The following XRN1 variants were observed in gnomAD, a reference collection of about 807,000 sequenced individuals.
The protein encoded by XRN1 is 5'-3' exoribonuclease 1, also known as strand-exchange protein 1 homolog.
Under a neutral mutation model 222.3 loss-of-function variants are expected in XRN1, and 67 were observed. That is an observed-to-expected ratio of 0.30 (90% CI 0.25 to 0.37). The LOEUF (loss-of-function observed/expected upper bound fraction) is 0.37, where lower values mean the gene tolerates loss of function less well. Ranked by LOEUF, XRN1 falls within the 10% of genes least tolerant of loss-of-function variation. The pLI is 1.00. For synonymous variants in XRN1, 643 were observed against 652.4 expected, an observed-to-expected ratio of 0.99 and a Z score of 0.22; for missense variants, 1,707 against 2,000.2, an observed-to-expected ratio of 0.85 and a Z score of 2.80.
In XRN1 at chr3:142,322,385, A is replaced by G. The variant is rs569382032; in HGVS notation, c.4405-3482T>C. On this transcript the variant is annotated intron_variant, in intron 37 of 40. Transcript: ENST00000392981. ...GGTACTACCACGCTTAGCTGTTTTT[A>G]AAGTTTTTTTAGAGATGATGGTCGG... Among the ~76,000 whole-genome samples the G allele has an allele frequency of 9.9e-5, 15 of 152,220 alleles. No individual in the cohort carries two copies. The East Asian group carries it at 1.5e-3, about 16-fold the overall frequency.
At chr3:142,331,249 T>G (rs2065688476) in intron 36 of XRN1, among the ~76,000 whole-genome samples, 1 of 152,216 alleles carries the variant, frequency 6.6e-6, no homozygotes, top group South Asian at 2.1e-4. Context: ...TAGATCATTA[T>G]ACAGATAAAA....
intron 2 of XRN1, among the ~76,000 whole-genome samples, chr3:142,431,921 T>C (rs1421865979): frequency 3.2e-5 from 3 of 93,704 alleles, no homozygotes; most frequent in Non-Finnish European, 5.8e-5. Context: ...TAAATATATA[T>C]AATATAATAT....
chr3:142,409,220 T>A (rs1282979761), intron 15 of XRN1, among the ~76,000 whole-genome samples: 3 of 152,236 alleles, frequency 2.0e-5, no homozygotes, highest in Admixed American at 2.0e-4. Flanking sequence ...TTTTCTCAAT[T>A]CTTTCCCTTT....
At chr3:142,431,589 G>A (rs1305318615) in intron 2 of XRN1, among the ~76,000 whole-genome samples, 1 of 151,492 alleles carries the variant, frequency 6.6e-6, no homozygotes, top group Non-Finnish European at 1.5e-5. Flanking sequence ...GGCTGAGGTG[G>A]GTGGCTCACC....
rs9873771 is a variant in XRN1 at position 142,383,834 on chromosome 3, G to A, written c.2503-421C>T. Among the ~76,000 whole-genome samples, 1,364 of 152,122 alleles carry A rather than the reference G, an allele frequency of 9.0e-3. 14 individuals are homozygous for A. The highest frequency in any genetic ancestry group is 0.012 in the Non-Finnish European group (846 of 68,008). On this transcript the variant is annotated intron_variant, in intron 21 of 40. Transcript: ENST00000392981. Reference sequence around the variant, plus strand: ...TTAAAAAAATTTTTGTCCTCTTATCGTATCTAAGATTATAAATGCAAAAAT... The same window carrying A: ...TTAAAAAAATTTTTGTCCTCTTATCATATCTAAGATTATAAATGCAAAAAT...
chr3:142,357,503 T>G (rs1044660875), intron 30 of XRN1, among the ~76,000 whole-genome samples: 5 of 152,122 alleles, frequency 3.3e-5, no homozygotes, highest in Admixed American at 3.3e-4. Context: ...CCTAACTCAC[T>G]GCAGTTTCGA....
chr3:142,316,395 T>C (rs191797087), intron 39 of XRN1, among the ~76,000 whole-genome samples: 1 of 152,148 alleles, frequency 6.6e-6, no homozygotes, highest in East Asian at 1.9e-4. Context: ...TTTGTATTTT[T>C]TGTAGATTAG....
At chr3:142,402,204 T>C (rs1577369852) in intron 18 of XRN1, among the ~76,000 whole-genome samples, 2 of 152,098 alleles carry the variant, frequency 1.3e-5, no homozygotes. Context: ...TTTTTTGAGA[T>C]GGAGTTTCGC....
intron 12 of XRN1, 23 bp from the exon 13 acceptor site, chr3:142,417,252 A>G (rs2068822896): frequency 6.2e-7 from 1 of 1,604,078 alleles, no homozygotes; most frequent in South Asian, 1.1e-5. Context: ...TATTTTCATT[A>G]TAACATATTT....
chr3:142,343,811 C>G (rs2066063794), intron 33 of XRN1, among the ~76,000 whole-genome samples: 1 of 152,082 alleles, frequency 6.6e-6, no homozygotes, highest in African/African-American at 2.4e-5. Context: ...CTGTTCACAA[C>G]AGCTAAGATT....
chr3:142,422,564 T>C lies in XRN1; in HGVS notation c.967+18A>G. On this transcript the variant is annotated intron_variant, in intron 8 of 40. Coordinates refer to ENST00000392981, the MANE Select transcript of XRN1 (RefSeq NM_001282857.2). ...ACTAAATTAAAGTATCCTCGAGAGA[T>C]TATTAAATTCTTCTTACCCCCAAGT... The C allele has an allele frequency of 1.2e-6, 2 of 1,609,164 alleles. No individual in the cohort carries two copies.
intron 34 of XRN1, among the ~76,000 whole-genome samples, chr3:142,334,073 T>A (rs964461389): frequency 6.6e-6 from 1 of 152,192 alleles, no homozygotes; most frequent in Non-Finnish European, 1.5e-5. Context: ...GTATAACTGG[T>A]TTTCTTTAAA....
rs896801270 is a variant in XRN1 at position 142,306,785 on chromosome 3, C to G, written c.*4726G>C. ...CACAAAAATACATTCGGAGTCCATT[C>G]CAATGCAAGTTTAAAACACTTTAAT... On this transcript the variant is annotated 3_prime_UTR_variant, in exon 41 of 41. Coordinates refer to ENST00000392981, the MANE Select transcript of XRN1 (RefSeq NM_001282857.2). 3 of 152,490 alleles carry G rather than the reference C, an allele frequency of 2.0e-5. No individual in the cohort carries two copies. Among genetic ancestry groups the G allele is most frequent in the African/African-American group, 7.2e-5 (3 of 41,390 alleles). The allele number at this position is 152,490 out of a possible 1,614,324, so 9.4% of individuals were successfully genotyped here.
chr3:142,443,155 C>A (rs1207903656), intron 1 of XRN1, among the ~76,000 whole-genome samples: 1 of 152,144 alleles, frequency 6.6e-6, no homozygotes, highest in East Asian at 1.9e-4. Context: ...TACCGCGGAC[C>A]CCTGGACCGG....
chr3:142,386,111 T>G (rs1045488167), intron 20 of XRN1, among the ~76,000 whole-genome samples: 1 of 152,016 alleles, frequency 6.6e-6, no homozygotes, highest in African/African-American at 2.4e-5. Context: ...TTCCAACAAA[T>G]TTTTGAAACA....
chr3:142,375,917 C>T lies in XRN1; in HGVS notation c.2859G>A (p.Val953=), dbSNP rs144415810. Residue 953 remains valine (V), a synonymous_variant, in exon 25 of 41, where the codon GTG becomes GTA. Transcript: ENST00000392981. ...RNPHGDHKAN[V]GLNLKFNKKN... ...TCTTGTTGAATTTGAGATTTAAACC[C>T]ACATTTGCTTTATGGTCTCCATGAG... The T allele has an allele frequency of 1.2e-5, 20 of 1,613,510 alleles. No homozygotes were observed. In the African/African-American group the frequency reaches 2.1e-4, roughly 17 times the overall value.
At chr3:142,389,313 C>CT (rs941630384) in intron 20 of XRN1, among the ~76,000 whole-genome samples, 22 of 151,450 alleles carry the variant, frequency 1.5e-4, no homozygotes, top group South Asian at 1.0e-3. Flanking sequence ...CTAATTCTAG[C>CT]TTTTTTTTTG....
At chr3:142,363,613 CTAG>C (rs1488094009) in intron 29 of XRN1, among the ~76,000 whole-genome samples, 3 of 151,464 alleles carry the variant, frequency 2.0e-5, no homozygotes, top group Non-Finnish European at 2.9e-5. Context: ...AAAGTTTACT[CTAG>C]CTTTGTAAAG....
intron 29 of XRN1, among the ~76,000 whole-genome samples, chr3:142,360,301 G>T (rs892358172): frequency 6.6e-6 from 1 of 152,004 alleles, no homozygotes; most frequent in Admixed American, 6.6e-5. Flanking sequence ...ATATTATTTT[G>T]CAACTTATTT....
Sources: gnomAD v4.1 joint callset for allele counts (sites outside exome capture counted in the v4.1 genomes callset) on GRCh38, gnomAD v4.1.1 for gene constraint, MANE v1.5 for transcripts, NCBI Gene and HGNC (gene_info 2026-07-23, HGNC 2026-07-21) for gene names.